FAM120C: variants seen among roughly 807,000 people sequenced by gnomAD.
FAM120C encodes constitutive coactivator of PPAR-gamma-like protein 2.
Under a neutral mutation model 71.2 loss-of-function variants are expected in FAM120C, and 14 were observed. The ratio of observed to expected loss-of-function variants is 0.20; its 90% CI spans 0.13 to 0.31. FAM120C has a LOEUF of 0.31. Ranked by LOEUF, FAM120C falls within the 10% of genes least tolerant of loss-of-function variation. FAM120C has a pLI of 1.00. For missense variants in FAM120C, 500 were observed against 879.0 expected, an observed-to-expected ratio of 0.57 and a Z score of 5.45; for synonymous variants, 354 against 353.2, an observed-to-expected ratio of 1.00 and a Z score of -0.03.
chrX:54,117,434 C>T (rs1030433800), intron 9 of FAM120C, among the ~76,000 whole-genome samples: 1 of 101,364 alleles, frequency 9.9e-6, no homozygotes, highest in Non-Finnish European at 2.0e-5. Flanking sequence ...CGTGGTGGCT[C>T]ACACCTGTAA....
chrX:54,112,930 G>C (rs1223870980), intron 10 of FAM120C, among the ~76,000 whole-genome samples: 1 of 110,479 alleles, frequency 9.1e-6, no homozygotes, highest in Non-Finnish European at 1.9e-5. Flanking sequence ...TGAAGCAGGA[G>C]AATCGCTTGA....
In FAM120C at chrX:54,072,159, TCA is replaced by T. The variant is rs60802365; in HGVS notation, c.*872_*873del. 0.013 allele frequency: 900 copies of T among 71,358 alleles called. 12 individuals carry two copies. Among genetic ancestry groups the T allele is most frequent in the African/African-American group, 0.035 (649 of 18,758 alleles). 5.9% of individuals were successfully genotyped at this position (71,358 alleles called of 1,213,427 possible). On this transcript the variant is annotated 3_prime_UTR_variant, in exon 16 of 16. Transcript: ENST00000375180. ...CCCACACCCACACACAAGCACACAT[TCA>T]CACACACACACACACACACACACAC...
At position 54,133,949 on chromosome X, in the gene FAM120C, C is replaced by G. The variant is rs1436864415; in HGVS notation, c.1714G>C (p.Ala572Pro). Reference sequence around the variant, plus strand: ...TGGGGCTCACCATCACCTAGGCTCGCTTCTGAAACTCCAGTATCAACAGGC... The same window carrying G: ...TGGGGCTCACCATCACCTAGGCTCGGTTCTGAAACTCCAGTATCAACAGGC... Reference protein sequence around the residue: ...AQPVDTGVSEASLGDGEPHIP... With the variant: ...AQPVDTGVSEPSLGDGEPHIP... Residue 572 changes from alanine (A) to proline (P), a missense_variant, in exon 8 of 16, where the codon GCG (alanine) becomes CCG (proline). Around this residue, in one of 11 missense-constraint regions of FAM120C, gnomAD observed 85 missense variants for 84.9 expected, o/e 1.00. Transcript: ENST00000375180. 1.7e-6 allele frequency: 2 copies of G among 1,209,970 alleles called. No homozygotes were observed. The highest frequency in any genetic ancestry group is 2.3e-4 in the Middle Eastern group (1 of 4,371).
intron 6 of FAM120C, 130 bp downstream of exon 6, chrX:54,135,398 T>G: frequency 1.7e-6 from 1 of 601,718 alleles, no homozygotes; most frequent in Non-Finnish European, 2.6e-6. Flanking sequence ...CAGCCTTAAG[T>G]TGAGAAGGTA....
chrX:54,109,618 A>G (rs2066924846), intron 10 of FAM120C, among the ~76,000 whole-genome samples: 1 of 107,790 alleles, frequency 9.3e-6, no homozygotes, highest in Non-Finnish European at 1.9e-5. Flanking sequence ...CTGGCTATAA[A>G]AAAAAAAAAA....
intron 4 of FAM120C, among the ~76,000 whole-genome samples, chrX:54,150,860 T>C (rs1557132916): frequency 9.1e-6 from 1 of 110,480 alleles, no homozygotes; most frequent in African/African-American, 3.3e-5. Flanking sequence ...TCAATTCTTC[T>C]GCTTCACCAA....
At chrX:54,125,863 G>GT (rs1315155273) in intron 9 of FAM120C, among the ~76,000 whole-genome samples, 1 of 112,224 alleles carries the variant, frequency 8.9e-6, no homozygotes. Flanking sequence ...ATGAACATCT[G>GT]TATCTCTCCA....
chrX:54,101,171 A>C (rs1440874538), intron 10 of FAM120C, among the ~76,000 whole-genome samples: 1 of 111,619 alleles, frequency 9.0e-6, no homozygotes, highest in Non-Finnish European at 1.9e-5. Flanking sequence ...GATGCCACCA[A>C]GGTTTACGAC....
intron 4 of FAM120C, among the ~76,000 whole-genome samples, chrX:54,151,021 G>T: frequency 9.0e-6 from 1 of 111,484 alleles, no homozygotes; most frequent in Middle Eastern, 4.2e-3. Context: ...GGACTAGAAT[G>T]GGCTTATATT....
At chrX:54,110,925 T>G (rs2066933830) in intron 10 of FAM120C, among the ~76,000 whole-genome samples, 1 of 109,377 alleles carries the variant, frequency 9.1e-6, no homozygotes, top group Admixed American at 9.9e-5. Context: ...CCAGGCGTGG[T>G]GGTGGGCCCC....
chrX:54,078,925 G>A (rs1557120988), intron 15 of FAM120C, among the ~76,000 whole-genome samples: 1 of 109,123 alleles, frequency 9.2e-6, no homozygotes, highest in Non-Finnish European at 1.9e-5. Context: ...AGCATTTTAA[G>A]AGGCTGGAGG....
At position 54,069,001 on chromosome X, in the gene FAM120C, A is replaced by G. The variant is rs2146546133; in HGVS notation, c.*4032T>C. The G allele has an allele frequency of 8.9e-6, 1 of 112,178 alleles. No individual in the cohort carries two copies. Among genetic ancestry groups the G allele is most frequent in the African/African-American group, 3.2e-5 (1 of 30,947 alleles). 9.2% of individuals were successfully genotyped at this position (112,178 alleles called of 1,213,427 possible). A position where few individuals can be genotyped will look rare whatever the true frequency, so the allele number is the denominator to read the frequency against. On this transcript the variant is annotated 3_prime_UTR_variant, in exon 16 of 16. Transcript: ENST00000375180. Reference sequence around the variant, plus strand: ...AGTTACTACCAACACGGACAAAAAGAGCATCTATAAAAGTACAGGGGCAAT... The same window carrying G: ...AGTTACTACCAACACGGACAAAAAGGGCATCTATAAAAGTACAGGGGCAAT...
At position 54,151,452 on chromosome X, in the gene FAM120C, T is replaced by C. The variant is rs2067184076; in HGVS notation, c.1030-79A>G. 30 of 1,023,818 alleles carry C rather than the reference T, an allele frequency of 2.9e-5. No individual in the cohort carries two copies. In the South Asian group the frequency reaches 6.3e-4, roughly 22 times the overall value. 84.4% of individuals were successfully genotyped at this position (1,023,818 alleles called of 1,213,427 possible). Reference sequence around the variant, plus strand: ...AAAAGAGTGAAGTTGAGGGGAGATATGGAATTCACATTTGGTAAATCCACA... The same window carrying C: ...AAAAGAGTGAAGTTGAGGGGAGATACGGAATTCACATTTGGTAAATCCACA... On this transcript the variant is annotated intron_variant, in intron 3 of 15. Transcript: ENST00000375180.
chrX:54,166,701 T>C (rs918855496), intron 1 of FAM120C, among the ~76,000 whole-genome samples: 8 of 111,664 alleles, frequency 7.2e-5, no homozygotes, highest in African/African-American at 9.8e-5. Flanking sequence ...GTATTTTTTG[T>C]GTAGAATATG....
At chrX:54,095,938 G>A (rs1472917652) in intron 10 of FAM120C, among the ~76,000 whole-genome samples, 1 of 111,587 alleles carries the variant, frequency 9.0e-6, no homozygotes, top group East Asian at 2.8e-4. Context: ...TTACAGGCAT[G>A]AGCCACTGTG....
intron 10 of FAM120C, among the ~76,000 whole-genome samples, chrX:54,112,462 T>G (rs1557125886): frequency 9.1e-6 from 1 of 109,781 alleles, no homozygotes; most frequent in East Asian, 2.9e-4. Flanking sequence ...TCCCAGAATT[T>G]TGGGAGGCTG....
chrX:54,162,522 TA>T (rs1432602510), intron 1 of FAM120C, among the ~76,000 whole-genome samples: 1 of 112,148 alleles, frequency 8.9e-6, no homozygotes, highest in Non-Finnish European at 1.9e-5. Context: ...TCCATGGTTC[TA>T]ACCATGTCCT....
At chrX:54,170,908 T>C (rs1557135854) in intron 1 of FAM120C, among the ~76,000 whole-genome samples, 2 of 111,138 alleles carry the variant, frequency 1.8e-5, no homozygotes, top group African/African-American at 6.5e-5. Flanking sequence ...AAGTCAGAGG[T>C]ATCATGAAAA....
At chrX:54,081,556 G>A in intron 13 of FAM120C, 96 bp from the exon 14 acceptor site, 5 of 938,172 alleles carry the variant, frequency 5.3e-6, no homozygotes, top group Non-Finnish European at 7.2e-6. Flanking sequence ...CGGATTACTT[G>A]AAGTCAGGAG....
Sources: allele counts gnomAD v4.1 joint callset (sites outside exome capture counted in the v4.1 genomes callset), GRCh38; gene constraint gnomAD v4.1.1; regional missense constraint gnomAD v4.1.1; transcripts MANE v1.5; gene names NCBI Gene and HGNC (gene_info 2026-07-23, HGNC 2026-07-21).